The following LASP1 variants were observed in gnomAD, a reference collection of about 807,000 sequenced individuals.
LASP1 encodes the protein LIM and SH3 domain protein 1.
Under a neutral mutation model 38.6 loss-of-function variants are expected in LASP1, and 10 were observed. That is an observed-to-expected ratio of 0.26 (90% CI 0.16 to 0.44). The LOEUF is 0.44. Among genes scored for constraint, LASP1 ranks in the 20% least tolerant of loss-of-function variants. The probability of loss-of-function intolerance (pLI) is 1.00; values close to 1 mark genes in which losing one functional copy is unlikely to be tolerated. For missense variants in LASP1, 243 were observed against 375.7 expected, an observed-to-expected ratio of 0.65 and a Z score of 2.92; for synonymous variants, 132 against 140.8, an observed-to-expected ratio of 0.94 and a Z score of 0.44.
intron 1 of LASP1, 72 bp downstream of exon 1, chr17:38,870,330 C>T: frequency 3.9e-6 from 6 of 1,546,788 alleles, no homozygotes; most frequent in Non-Finnish European, 5.3e-6. Flanking sequence ...GAGAGAAGGG[C>T]CGGGTCTTTG....
At chr17:38,909,715 G>A (rs778475872) in intron 4 of LASP1, among the ~76,000 whole-genome samples, 15 of 149,750 alleles carry the variant, frequency 1.0e-4, no homozygotes, top group Non-Finnish European at 1.5e-4. Context: ...TCCTGGTTCT[G>A]GTTCTTTTTC....
intron 1 of LASP1, among the ~76,000 whole-genome samples, chr17:38,873,540 T>TACATATTTATATTTTATTTAC (rs1211042519): frequency 1.3e-5 from 2 of 152,224 alleles, no homozygotes; most frequent in African/African-American, 4.8e-5. Flanking sequence ...CTTTTATTTA[T>TACATATTTATATTTTATTTAC]ACATATTTAT....
Position 38,915,131 on chromosome 17 carries a change from C to T in LASP1, c.597C>T (p.Ala199=). 6.2e-7 allele frequency: 1 copy of T among 1,613,884 alleles called. No individual in the cohort carries two copies. Among genetic ancestry groups the T allele is most frequent in the South Asian group, 1.1e-5 (1 of 91,068 alleles). ...CCCCAGTCTCCATACAGCGCAGCGC[C>T]CCAGGTGGTGGCGGGGTGAGTAACC... ...PAAPVSIQRS[A]PGGGGKRYRA... Residue 199 remains alanine (A), a synonymous_variant, in exon 6 of 7, where the codon GCC becomes GCT. Coordinates refer to ENST00000318008, the MANE Select transcript of LASP1 (RefSeq NM_006148.4).
rs935858726 is a variant in LASP1, at chr17:38,918,951, G to A, written c.*173G>A. 9.8e-6 allele frequency: 7 copies of A among 713,700 alleles called. No individual in the cohort carries two copies. The highest frequency in any genetic ancestry group is 8.9e-5 in the African/African-American group (5 of 56,232). The allele number at this position is 713,700 out of a possible 1,614,324, so 44.2% of individuals were successfully genotyped here. ...AAGCCTTCTTCTGCCACTTCTGCGG[G>A]CTCCCTCCTCTGGCAGGCTTCCCCC... On this transcript the variant is annotated 3_prime_UTR_variant, in exon 7 of 7. Coordinates refer to ENST00000318008, the MANE Select transcript of LASP1 (RefSeq NM_006148.4). The surrounding 1 kb of genome is among the most constrained non-coding windows in gnomAD (Gnocchi z 4.4).
chr17:38,871,723 A>T (rs1300768087), intron 1 of LASP1, among the ~76,000 whole-genome samples: 1 of 151,560 alleles, frequency 6.6e-6, no homozygotes, highest in African/African-American at 2.4e-5. Context: ...GCTCTTGGGG[A>T]GTGTGGGCAT....
chr17:38,914,473 C>T lies in LASP1; in HGVS notation c.506C>T (p.Pro169Leu), dbSNP rs189899021. ...QQPHHIPTSA[P>L]VYQQPQQQPV... The stretch of plus-strand genomic sequence containing the variant: ...CCTCACCACATCCCGACCAGTGCCC[C>T]GGGTGAGTGCAGGTCCTGTTGGTGC... The change falls in exon 5 of 7, where the codon CCG becomes CTG. Residue 169 changes from proline (P) to leucine (L), a missense_variant and splice_region_variant. By Grantham distance (98) the Pro-to-Leu change is moderately conservative. Around this residue, in one of 4 missense-constraint regions of LASP1, gnomAD observed 165 missense variants for 210.3 expected, o/e 0.78. Transcript: ENST00000318008. The T allele has an allele frequency of 8.9e-5, 143 of 1,598,376 alleles. No individual in the cohort carries two copies. The East Asian group carries it at 2.6e-3, about 29-fold the overall frequency.
intron 2 of LASP1, among the ~76,000 whole-genome samples, chr17:38,889,604 T>C (rs1914247108): frequency 6.6e-6 from 1 of 152,222 alleles, no homozygotes; most frequent in African/African-American, 2.4e-5. Context: ...GTTTCATGCA[T>C]AAAATTATTT....
intron 1 of LASP1, among the ~76,000 whole-genome samples, chr17:38,875,573 CA>C (rs1017536854): frequency 6.6e-6 from 1 of 152,148 alleles, no homozygotes. Flanking sequence ...CCGTCCTCCC[CA>C]AGAGTGGTTC....
chr17:38,895,652 A>G (rs1353307264), intron 3 of LASP1, among the ~76,000 whole-genome samples: 1 of 152,056 alleles, frequency 6.6e-6, no homozygotes, highest in Non-Finnish European at 1.5e-5. Flanking sequence ...TTCTTCTTAT[A>G]TTGGGTCATC....
At chr17:38,915,278 G>C in intron 6 of LASP1, 132 bp downstream of exon 6, 1 of 732,296 alleles carries the variant, frequency 1.4e-6, no homozygotes, top group Non-Finnish European at 2.2e-6. Flanking sequence ...TCTCAGCCTT[G>C]TGAGCAGAGA....
chr17:38,918,789 C>G lies in LASP1; in HGVS notation c.*11C>G, dbSNP rs201816467. On this transcript the variant is annotated 3_prime_UTR_variant, in exon 7 of 7. Coordinates refer to ENST00000318008, the MANE Select transcript of LASP1 (RefSeq NM_006148.4). The surrounding 1 kb of genome is among the most constrained non-coding windows in gnomAD (Gnocchi z 4.4). ...GTGGAGGCCATCTGAACCCGCAGCG[C>G]CCCCATCTGTCTTCAGCACATTCCA... 3,956 of 1,612,936 alleles carry G rather than the reference C, an allele frequency of 2.5e-3. 9 individuals carry two copies. The highest frequency in any genetic ancestry group is 3.7e-3 in the South Asian group (339 of 91,066).
chr17:38,892,951 G>A (rs994191506), intron 3 of LASP1, among the ~76,000 whole-genome samples: 3 of 152,142 alleles, frequency 2.0e-5, no homozygotes, highest in South Asian at 2.1e-4. Context: ...GAGCGTGTCC[G>A]TGTGTGTATG....
chr17:38,907,929 T>G (rs1207577026), intron 4 of LASP1, among the ~76,000 whole-genome samples: 1 of 152,164 alleles, frequency 6.6e-6, no homozygotes, highest in Non-Finnish European at 1.5e-5. Context: ...ATGAGGAAAC[T>G]GAGACCCAGA....
intron 3 of LASP1, among the ~76,000 whole-genome samples, chr17:38,897,808 C>T (rs985618735): frequency 6.6e-6 from 1 of 152,226 alleles, no homozygotes; most frequent in Non-Finnish European, 1.5e-5. Flanking sequence ...GCTGTCTCAC[C>T]ACCCTCCTTT....
chr17:38,888,884 G>T (rs1040533550), intron 2 of LASP1, among the ~76,000 whole-genome samples: 2 of 150,394 alleles, frequency 1.3e-5, no homozygotes, highest in African/African-American at 4.9e-5. Context: ...TCTTCCTGGG[G>T]ACCAGGCTGT....
chr17:38,893,278 A>G (rs187399552), intron 3 of LASP1, among the ~76,000 whole-genome samples: 5 of 152,322 alleles, frequency 3.3e-5, no homozygotes, highest in Non-Finnish European at 5.9e-5. Context: ...AGTCAGCAGC[A>G]AGTAGGATGG....
In LASP1 at chr17:38,918,678, T is replaced by C; in HGVS notation, c.686T>C (p.Ile229Thr). 1 of 1,613,926 alleles carries C rather than the reference T, an allele frequency of 6.2e-7. No homozygotes were observed. Among genetic ancestry groups the C allele is most frequent in the Non-Finnish European group, 8.5e-7 (1 of 1,179,882 alleles). Reference protein sequence around the residue: ...DEVSFQDGDTIVNVQQIDDGW... With the variant: ...DEVSFQDGDTTVNVQQIDDGW... ...GTCTCCTTCCAGGACGGGGACACCA[T>C]CGTCAACGTGCAGCAGATCGACGAC... Residue 229 changes from isoleucine to threonine, a missense_variant, in exon 7 of 7, where the codon ATC (isoleucine) becomes ACC (threonine). Around this residue, in one of 4 missense-constraint regions of LASP1, gnomAD observed 165 missense variants for 210.3 expected, o/e 0.78. Transcript: ENST00000318008. This position sits in a 1 kb window ranked among gnomAD's most constrained non-coding sequence, Gnocchi z 4.4.
chr17:38,910,832 C>T (rs112051231), intron 4 of LASP1, among the ~76,000 whole-genome samples: 7,108 of 151,060 alleles, frequency 0.047, 548 homozygotes, highest in African/African-American at 0.16. Context: ...AAGCAATTCT[C>T]GTGCCTCAGC....
At chr17:38,875,168 C>CAGGCAGGGGCCTAGGCAGGGGCCT (rs761181558) in intron 1 of LASP1, among the ~76,000 whole-genome samples, 3 of 151,586 alleles carry the variant, frequency 2.0e-5, no homozygotes, top group African/African-American at 7.3e-5. Flanking sequence ...GGCAGGGGCC[C>CAGGCAGGGGCCTAGGCAGGGGCCT]AGGCAGGGGC....
Sources: allele counts gnomAD v4.1 joint callset (sites outside exome capture counted in the v4.1 genomes callset), GRCh38; gene constraint gnomAD v4.1.1; regional missense constraint gnomAD v4.1.1; non-coding constraint Gnocchi (gnomAD v3.1); transcripts MANE v1.5; gene names NCBI Gene and HGNC (gene_info 2026-07-23, HGNC 2026-07-21).